Variants in TRPC5 observed in about 807,000 individuals in gnomAD.
TRPC5 encodes the protein transient receptor potential cation channel subfamily C member 5, also known as short transient receptor potential channel 5.
A neutral mutation model predicts 56.5 loss-of-function variants in TRPC5; 9 were observed. The observed-to-expected ratio is 0.16, with a 90% confidence interval of 0.10 to 0.28. The LOEUF is 0.28. Ranked by LOEUF, TRPC5 falls within the 10% of genes least tolerant of loss-of-function variation. TRPC5 has a pLI of 1.00. For synonymous variants in TRPC5, 282 were observed against 278.5 expected (o/e 1.01, Z -0.13); for missense variants, 469 against 748.9 (o/e 0.63, Z 4.36).
chrX:111,856,383 A>G (rs1198716218), intron 3 of TRPC5, among the ~76,000 whole-genome samples: 1 of 108,981 alleles, frequency 9.2e-6, no homozygotes, highest in East Asian at 2.9e-4. Context: ...TCTACTAAAA[A>G]TACAAAAATT....
chrX:112,059,315 C>T (rs745928588), intron 1 of TRPC5, among the ~76,000 whole-genome samples: 22 of 112,049 alleles, frequency 2.0e-4, no homozygotes, highest in African/African-American at 5.5e-4. Flanking sequence ...CTATGCACAA[C>T]ACATGGAATA....
At position 111,847,177 on chromosome X, in the gene TRPC5, G is replaced by T. The variant is rs139935364; in HGVS notation, c.1637C>A (p.Ala546Asp). 214 of 1,209,984 alleles carry T rather than the reference G, an allele frequency of 1.8e-4. No individual in the cohort carries two copies. The African/African-American group carries it at 3.2e-3, about 18-fold the overall frequency. Reference sequence around the variant, plus strand: ...CTTGCAGTTGTTAGGCTCATCGATAGCTCTGGTTTCATAATAGAAGTAAAG... The same window carrying T: ...CTTGCAGTTGTTAGGCTCATCGATATCTCTGGTTTCATAATAGAAGTAAAG... The part of the protein sequence containing the change: ...NQLYFYYETR[A>D]IDEPNNCKGI... The change falls in exon 6 of 11, where the codon GCT (alanine) becomes GAT (aspartate). Residue 546 changes from alanine to aspartate, a missense_variant. Physicochemically the swap from Ala to Asp is moderately radical, Grantham distance 126. Transcript: ENST00000262839.
At chrX:111,965,575 T>G (rs922190504) in intron 1 of TRPC5, among the ~76,000 whole-genome samples, 1 of 111,550 alleles carries the variant, frequency 9.0e-6, no homozygotes, top group Admixed American at 9.5e-5. Context: ...TAGTTGGAAG[T>G]GAAGCACTCC....
intron 1 of TRPC5, among the ~76,000 whole-genome samples, chrX:112,076,350 A>T (rs189830525): frequency 9.0e-6 from 1 of 111,169 alleles, no homozygotes; most frequent in African/African-American, 3.3e-5. Flanking sequence ...GATTTCTTGG[A>T]CTTTATGAGT....
intron 6 of TRPC5, among the ~76,000 whole-genome samples, chrX:111,842,119 T>A (rs868049915): frequency 3.7e-4 from 31 of 83,147 alleles, no homozygotes; most frequent in African/African-American, 2.8e-3. Flanking sequence ...ATATATATAT[T>A]TTATATATAT....
chrX:111,940,953 C>T (rs1293621127), intron 2 of TRPC5, among the ~76,000 whole-genome samples: 1 of 111,356 alleles, frequency 9.0e-6, no homozygotes, highest in East Asian at 2.8e-4. Context: ...GTCTTGATGT[C>T]CCCGCTTCAC....
At chrX:112,033,483 G>T (rs1929642386) in intron 1 of TRPC5, among the ~76,000 whole-genome samples, 1 of 107,219 alleles carries the variant, frequency 9.3e-6, no homozygotes, top group Admixed American at 1.0e-4. Flanking sequence ...TCTATAGGTT[G>T]TCTTTTTACT....
chrX:111,784,747 A>G (rs1454309256), intron 7 of TRPC5, among the ~76,000 whole-genome samples: 4 of 112,897 alleles, frequency 3.5e-5, no homozygotes. Flanking sequence ...GGTCTTAGCA[A>G]CTGGCAGAGA....
intron 1 of TRPC5, among the ~76,000 whole-genome samples, chrX:112,047,628 C>A (rs1182515350): frequency 5.4e-5 from 6 of 111,962 alleles, no homozygotes; most frequent in Admixed American, 3.8e-4. Context: ...TTGTAAAATG[C>A]TAATTAAAAA....
At chrX:112,060,349 A>G (rs1415791201) in intron 1 of TRPC5, among the ~76,000 whole-genome samples, 1 of 112,196 alleles carries the variant, frequency 8.9e-6, no homozygotes, top group Non-Finnish European at 1.9e-5. Context: ...TCTATTCAGA[A>G]CTTAAAACAA....
At chrX:111,973,141 C>T (rs1307194207) in intron 1 of TRPC5, among the ~76,000 whole-genome samples, 1 of 111,509 alleles carries the variant, frequency 9.0e-6, no homozygotes, top group Non-Finnish European at 1.9e-5. Flanking sequence ...TATATTGGGA[C>T]TGACTTTCTG....
At chrX:111,828,772 C>T (rs751361173) in intron 7 of TRPC5, among the ~76,000 whole-genome samples, 43 of 111,610 alleles carry the variant, frequency 3.9e-4, no homozygotes, top group African/African-American at 1.2e-3. Context: ...GTCCTAGAGA[C>T]GTGTTGAATG....
At chrX:111,998,800 C>T (rs1220173677) in intron 1 of TRPC5, among the ~76,000 whole-genome samples, 7 of 111,904 alleles carry the variant, frequency 6.3e-5, no homozygotes, top group Non-Finnish European at 1.3e-4. Flanking sequence ...ACCAACTCCC[C>T]ATGCATACCA....
At chrX:111,963,331 C>T (rs1034133958) in intron 1 of TRPC5, among the ~76,000 whole-genome samples, 6 of 112,410 alleles carry the variant, frequency 5.3e-5, no homozygotes, top group Non-Finnish European at 7.5e-5. Flanking sequence ...CCGGGAAGCT[C>T]GAACTGGGTG....
chrX:112,075,063 A>C (rs936527258), intron 1 of TRPC5, among the ~76,000 whole-genome samples: 1 of 112,707 alleles, frequency 8.9e-6, no homozygotes, highest in Non-Finnish European at 1.9e-5. Flanking sequence ...TACATTTTAT[A>C]TTCCTGTCAA....
intron 1 of TRPC5, among the ~76,000 whole-genome samples, chrX:112,010,819 G>A (rs1374742274): frequency 9.0e-6 from 1 of 111,717 alleles, no homozygotes; most frequent in Non-Finnish European, 1.9e-5. Flanking sequence ...GATAATAAAT[G>A]AGTTGATATG....
At chrX:111,997,929 G>A (rs939672753) in intron 1 of TRPC5, among the ~76,000 whole-genome samples, 1 of 111,084 alleles carries the variant, frequency 9.0e-6, no homozygotes, top group African/African-American at 3.3e-5. Flanking sequence ...CTTGCAATGG[G>A]TTCAAACATC....
At chrX:112,080,508 G>A (rs1930939660) in intron 1 of TRPC5, among the ~76,000 whole-genome samples, 1 of 110,642 alleles carries the variant, frequency 9.0e-6, no homozygotes, top group South Asian at 3.9e-4. Context: ...GGACCAAAAT[G>A]TGGATTTTAG....
chrX:111,846,857 T>C lies in TRPC5; in HGVS notation c.1700+257A>G, dbSNP rs1177047497. Among the ~76,000 whole-genome samples, 4 of 111,583 alleles carry C rather than the reference T, an allele frequency of 3.6e-5. No individual in the cohort carries two copies. The East Asian group carries it at 1.1e-3, about 31-fold the overall frequency. On this transcript the variant is annotated intron_variant, in intron 6 of 10. Coordinates refer to ENST00000262839, the MANE Select transcript of TRPC5 (RefSeq NM_012471.3). ...CCAACATAGTTCAGAACCAACTCTT[T>C]AGATGACTTCCTGGGATCTCATGTG...
Sources: gnomAD v4.1 joint callset for allele counts (sites outside exome capture counted in the v4.1 genomes callset) on GRCh38, gnomAD v4.1.1 for gene constraint, MANE v1.5 for transcripts, NCBI Gene and HGNC (gene_info 2026-07-23, HGNC 2026-07-21) for gene names.